The following HIP1R variants were observed in gnomAD, a reference collection of about 807,000 sequenced individuals.
The protein encoded by HIP1R is huntingtin-interacting protein 1-related protein.
In HIP1R, 135 loss-of-function variants were observed where a neutral mutation model predicts 144.2. That is an observed-to-expected ratio of 0.94 (90% confidence interval 0.81 to 1.08). The LOEUF is 1.08. Among genes scored for constraint, HIP1R ranks in the 50% least tolerant of loss-of-function variants. The pLI is 0.00. For missense variants in HIP1R, 1,462 were observed against 1,432.8 expected (o/e 1.02, Z -0.33); for synonymous variants, 698 against 612.8 (o/e 1.14, Z -2.05).
At chr12:122,835,687 G>A (rs1486933353) in intron 1 of HIP1R, 44 bp downstream of exon 1, 2 of 1,080,468 alleles carry the variant, frequency 1.9e-6, no homozygotes, top group Admixed American at 5.4e-5. Context: ...CGGCGGGCGG[G>A]CGGGCAAGCG....
chr12:122,858,687 G>C, intron 20 of HIP1R, 151 bp from the exon 21 acceptor site: 1 of 689,430 alleles, frequency 1.5e-6, no homozygotes, highest in Non-Finnish European at 2.6e-6. Context: ...CACACACTGT[G>C]GTGTGGTTCC....
chr12:122,848,350 T>C, intron 2 of HIP1R, 116 bp from the exon 3 acceptor site: 2 of 1,310,842 alleles, frequency 1.5e-6, no homozygotes, highest in Non-Finnish European at 2.1e-6. Flanking sequence ...GACCCGGGGT[T>C]GATGGGCACG....
intron 20 of HIP1R, 147 bp downstream of exon 20, chr12:122,858,582 ACCCAC>A: frequency 1.4e-6 from 1 of 705,584 alleles, no homozygotes; most frequent in East Asian, 2.7e-5. Flanking sequence ...CTTCCCAGGA[ACCCAC>A]CCCTGCCCTG....
intron 18 of HIP1R, chr12:122,857,837 C>T (rs1298069712): frequency 5.0e-6 from 2 of 398,316 alleles, no homozygotes; most frequent in Non-Finnish European, 8.9e-6. Context: ...AAGGGTGCTA[C>T]ATATCTTTTC....
rs763543746 is a variant in HIP1R, at chr12:122,860,050, C to T, written c.2469C>T (p.Ile823=). 4.5e-6 allele frequency: 7 copies of T among 1,557,756 alleles called. No homozygotes were observed. The Admixed American group carries it at 1.1e-4, about 25-fold the overall frequency. The change falls in exon 25 of 32, where the codon ATC becomes ATT. Residue 823 remains isoleucine, a synonymous_variant. Transcript: ENST00000253083. The stretch of plus-strand genomic sequence containing the variant: ...AGTCTCTCCTTCTCTCCCCCAGGAT[C>T]CTCAACTCCTGCACAGACCTGATGA... ...SGVKLEVNER[I]LNSCTDLMKA... is the part of the protein sequence containing the mutation.
chr12:122,835,155 G>T, upstream of HIP1R: 1 of 511,374 alleles, frequency 2.0e-6, no homozygotes, highest in Non-Finnish European at 3.0e-6. Flanking sequence ...CTGGGGGGGC[G>T]TTTGGCCTGT....
Position 122,858,773 on chromosome 12 carries a change from G to A in HIP1R, c.2051-65G>A, listed in dbSNP as rs1162220324. 1.5e-5 allele frequency: 17 copies of A among 1,138,472 alleles called. No individual in the cohort carries two copies. The South Asian group carries it at 1.8e-4, about 12-fold the overall frequency. 70.5% of individuals were successfully genotyped at this position (1,138,472 alleles called of 1,614,324 possible). The stretch of plus-strand genomic sequence containing the variant: ...CCTCCTGGGATAGCTGGCCACCGAC[G>A]GTGGTCCCAGTGCTAGTGTCTCAGT... On this transcript the variant is annotated intron_variant, in intron 20 of 31. Coordinates refer to ENST00000253083, the MANE Select transcript of HIP1R (RefSeq NM_003959.3).
In HIP1R at chr12:122,859,190, T is replaced by C; in HGVS notation, c.2288T>C (p.Leu763Pro). The change falls in exon 22 of 32, where the codon CTG becomes CCG. Residue 763 changes from leucine to proline, a missense_variant. Physicochemically the swap from Leu to Pro is moderately conservative, Grantham distance 98. Around this residue, in one of 2 missense-constraint regions of HIP1R, gnomAD observed 1,112 missense variants for 1,011.7 expected, o/e 1.10. Transcript: ENST00000253083. ...ACACCCCTGCAGGGCATCCTTCAGC[T>C]GGGCCAGGTGAGGCACAGCTGAGTG... ...VRTPLQGILQLGQELKPKSLD... is the reference protein window; with the variant it reads ...VRTPLQGILQPGQELKPKSLD... 1 of 1,571,606 alleles carries C rather than the reference T, an allele frequency of 6.4e-7. No homozygotes were observed.
At chr12:122,839,441 T>G (rs1308787029) in intron 1 of HIP1R, among the ~76,000 whole-genome samples, 1 of 152,232 alleles carries the variant, frequency 6.6e-6, no homozygotes, top group African/African-American at 2.4e-5. Flanking sequence ...TGTAAGGGGT[T>G]CCTGTGGGGC....
chr12:122,859,857 C>G, intron 24 of HIP1R, 27 bp downstream of exon 24: 1 of 1,605,258 alleles, frequency 6.2e-7, no homozygotes, highest in Non-Finnish European at 8.5e-7. Flanking sequence ...TCCCCCCAGG[C>G]CCAGCCGAGG....
chr12:122,844,844 G>A (rs1216436215), intron 1 of HIP1R, among the ~76,000 whole-genome samples: 1 of 152,248 alleles, frequency 6.6e-6, no homozygotes, highest in African/African-American at 2.4e-5. Flanking sequence ...CCTCTGGCCT[G>A]TGTCAGAGCT....
rs547357054 is a variant in HIP1R at position 122,858,868 on chromosome 12, G to A, written c.2081G>A (p.Arg694His). 1.8e-5 allele frequency: 29 copies of A among 1,612,882 alleles called. No individual in the cohort carries two copies. In the East Asian group the frequency reaches 4.9e-4, roughly 27 times the overall value. Reference sequence around the variant, plus strand: ...TCCGCCCTGGTGGCAGCTCTGACCCGCTTCTCCCACCTGGCTGCGGATACC... The same window carrying A: ...TCCGCCCTGGTGGCAGCTCTGACCCACTTCTCCCACCTGGCTGCGGATACC... ...DASALVAALT[R>H]FSHLAADTII... Residue 694 changes from arginine (R) to histidine (H), a missense_variant, in exon 21 of 32, where the codon CGC becomes CAC. Coordinates refer to ENST00000253083, the MANE Select transcript of HIP1R (RefSeq NM_003959.3).
intron 1 of HIP1R, among the ~76,000 whole-genome samples, chr12:122,844,901 C>T (rs1441580281): frequency 6.6e-6 from 1 of 152,188 alleles, no homozygotes; most frequent in Admixed American, 6.5e-5. Context: ...CAAATGCAGG[C>T]TAGAGAACCC....
rs1015166376 is a variant in HIP1R at position 122,846,506 on chromosome 12, C to G, written c.94-1525C>G. On this transcript the variant is annotated intron_variant, in intron 1 of 31. Coordinates refer to ENST00000253083, the MANE Select transcript of HIP1R (RefSeq NM_003959.3). ...CATGACACTCTCAGCCATGGCTTCT[C>G]ACAGTTGGTGGATACGAGTTTGTTC... is the stretch of plus-strand genomic sequence containing the variant. 9.9e-5 allele frequency among the ~76,000 whole-genome samples: 15 copies of G among 152,184 alleles called. 1 individual carries two copies. Among genetic ancestry groups the G allele is most frequent in the Non-Finnish European group, 8.8e-5 (6 of 68,020 alleles).
chr12:122,837,589 G>A (rs1292277275), intron 1 of HIP1R, among the ~76,000 whole-genome samples: 1 of 152,250 alleles, frequency 6.6e-6, no homozygotes, highest in Non-Finnish European at 1.5e-5. Flanking sequence ...CTCCCGAGAT[G>A]TTGGGATTAC....
intron 1 of HIP1R, among the ~76,000 whole-genome samples, chr12:122,842,415 C>T (rs1206803019): frequency 6.6e-6 from 1 of 152,236 alleles, no homozygotes; most frequent in East Asian, 1.9e-4. Context: ...GCCCTGAAGT[C>T]GTCCAGTACT....
In HIP1R at chr12:122,861,041, T is replaced by C. The variant is rs762318786; in HGVS notation, c.2890+2T>C. The C allele has an allele frequency of 2.4e-5, 39 of 1,613,428 alleles. No homozygotes were observed. Among genetic ancestry groups the C allele is most frequent in the Non-Finnish European group, 2.3e-5 (27 of 1,179,936 alleles). ...GCCAGGAGCAGATTGAGGACAGAGG[T>C]GAGTGCCAGATGCCAACGGGGGCTG... On this transcript the variant is annotated splice_donor_variant, in intron 29 of 31. Transcript: ENST00000253083. LOFTEE classifies it high-confidence loss of function.
Position 122,860,483 on chromosome 12 carries a change from TCG to T in HIP1R, c.2621_2622del (p.Ser874CysfsTer17). The T allele has an allele frequency of 1.9e-6, 3 of 1,612,816 alleles. No individual in the cohort carries two copies. The highest frequency in any genetic ancestry group is 2.5e-6 in the Non-Finnish European group (3 of 1,179,820). ...KNSRWTEGLI[S>X]ASKAVGWGAT... ...CTCGCGCTGGACCGAAGGCCTCATC[TCG>T]GCCTCCAAGGCTGTGGGCTGGGGAG... On this transcript the variant is annotated frameshift_variant, in exon 27 of 32. Coordinates refer to ENST00000253083, the MANE Select transcript of HIP1R (RefSeq NM_003959.3). LOFTEE classifies it high-confidence loss of function.
upstream of HIP1R, chr12:122,835,008 T>A: frequency 1.6e-6 from 2 of 1,285,494 alleles, no homozygotes; most frequent in Non-Finnish European, 2.0e-6. Flanking sequence ...CAAGACTTAG[T>A]GAGTTCGGAG....
Sources: gnomAD v4.1 joint callset for allele counts (sites outside exome capture counted in the v4.1 genomes callset) on GRCh38, gnomAD v4.1.1 for gene constraint, gnomAD v4.1.1 regional missense constraint, MANE v1.5 for transcripts, NCBI Gene and HGNC (gene_info 2026-07-23, HGNC 2026-07-21) for gene names.